Variants in F8 observed in about 807,000 individuals in gnomAD.
The protein encoded by F8 is antihemophilic factor.
In F8, 12 loss-of-function variants were observed where a neutral mutation model predicts 140.6. The observed-to-expected ratio is 0.09, with a 90% CI of 0.05 to 0.14. F8 has a LOEUF of 0.14. Among genes scored for constraint, F8 ranks in the 10% least tolerant of loss-of-function variants. The pLI is 1.00. For synonymous variants in F8, 585 were observed against 614.6 expected, an observed-to-expected ratio of 0.95 and a Z score of 0.71; for missense variants, 1,354 against 1,720.7, an observed-to-expected ratio of 0.79 and a Z score of 3.77.
At chrX:154,975,408 T>G (rs187667990) in intron 6 of F8, among the ~76,000 whole-genome samples, 1 of 112,412 alleles carries the variant, frequency 8.9e-6, no homozygotes, top group Non-Finnish European at 1.9e-5. Context: ...TGATTTATAG[T>G]TTTATTCCAT....
intron 25 of F8, among the ~76,000 whole-genome samples, chrX:154,852,260 C>T (rs932768157): frequency 2.7e-5 from 3 of 110,333 alleles, no homozygotes; most frequent in African/African-American, 9.9e-5. Context: ...TTTGTAGATA[C>T]AGAGTCTCAC....
At chrX:154,944,523 G>C (rs1266988252) in intron 13 of F8, among the ~76,000 whole-genome samples, 19 of 111,236 alleles carry the variant, frequency 1.7e-4, no homozygotes, top group Non-Finnish European at 3.2e-4. Flanking sequence ...GGAAACAACA[G>C]GTGCTGGAGA....
chrX:154,996,190 C>G (rs782639874), intron 3 of F8, among the ~76,000 whole-genome samples: 2 of 111,807 alleles, frequency 1.8e-5, no homozygotes, highest in Non-Finnish European at 3.8e-5. Flanking sequence ...CCGAGACCCT[C>G]CAGATTTGCC....
chrX:154,990,020 T>C (rs1251102241), intron 4 of F8, among the ~76,000 whole-genome samples: 1 of 112,471 alleles, frequency 8.9e-6, no homozygotes, highest in Non-Finnish European at 1.9e-5. Flanking sequence ...CATATTCATG[T>C]TTGCATCATA....
At chrX:154,869,756 G>T (rs974065930) in intron 22 of F8, among the ~76,000 whole-genome samples, 1 of 111,545 alleles carries the variant, frequency 9.0e-6, no homozygotes, top group Non-Finnish European at 1.9e-5. Context: ...GAATCCAGGA[G>T]CTGGTTTTTT....
chrX:154,920,488 G>A (rs782752872), intron 14 of F8, among the ~76,000 whole-genome samples: 1 of 110,592 alleles, frequency 9.0e-6, no homozygotes, highest in Non-Finnish European at 1.9e-5. Context: ...GTCTTGCTCT[G>A]TTGCCCAGGC....
chrX:154,917,685 GT>G (rs1423568647), intron 14 of F8, among the ~76,000 whole-genome samples: 2 of 111,036 alleles, frequency 1.8e-5, no homozygotes, highest in Non-Finnish European at 3.8e-5. Flanking sequence ...CTCATTGATT[GT>G]TCGTTTTGCT....
At chrX:154,976,377 TA>T (rs1241619617) in intron 6 of F8, among the ~76,000 whole-genome samples, 2 of 110,934 alleles carry the variant, frequency 1.8e-5, no homozygotes, top group Admixed American at 9.6e-5. Context: ...GATCTTTTTT[TA>T]AAAAAAAATT....
At chrX:154,846,365 C>T (rs2148559798) in intron 25 of F8, among the ~76,000 whole-genome samples, 1 of 111,501 alleles carries the variant, frequency 9.0e-6, no homozygotes, top group South Asian at 3.8e-4. Flanking sequence ...GTTGAACTGT[C>T]TAATGTTGAC....
At chrX:154,844,444 G>T (rs782116351) in intron 25 of F8, among the ~76,000 whole-genome samples, 1 of 111,606 alleles carries the variant, frequency 9.0e-6, no homozygotes, top group South Asian at 3.7e-4. Flanking sequence ...TCTTCCATTT[G>T]TTTGTATCCC....
In F8 at chrX:154,860,585, C is replaced by T. The variant is rs1227309343; in HGVS notation, c.6747G>A (p.Leu2249=). Residue 2249 remains leucine, a synonymous_variant, in exon 25 of 26, where the codon CTG becomes CTA. Transcript: ENST00000360256. ...RPQVNNPKEW[L]QVDFQKTMKV... Reference sequence around the variant, plus strand: ...TCATTGTCTTCTGGAAGTCCACTTGCAGCCACTCTTTTGGATTATTCACCT... The same window carrying T: ...TCATTGTCTTCTGGAAGTCCACTTGTAGCCACTCTTTTGGATTATTCACCT... 1 of 1,210,023 alleles carries T rather than the reference C, an allele frequency of 8.3e-7. No homozygotes were observed. The highest frequency in any genetic ancestry group is 1.1e-6 in the Non-Finnish European group (1 of 895,177).
chrX:154,996,650 T>C (rs2073618732), intron 3 of F8, among the ~76,000 whole-genome samples: 1 of 111,105 alleles, frequency 9.0e-6, no homozygotes, highest in Non-Finnish European at 1.9e-5. Context: ...CTGTTTGAAG[T>C]ATATTCAGAA....
chrX:154,999,436 G>A (rs782303048), intron 2 of F8, 43 bp downstream of exon 2: 4 of 1,180,337 alleles, frequency 3.4e-6, no homozygotes, highest in Non-Finnish European at 4.6e-6. Context: ...TAGAAAATAA[G>A]ATACCCAATT....
chrX:155,005,451 G>C (rs1557286000), intron 1 of F8, among the ~76,000 whole-genome samples: 1 of 109,896 alleles, frequency 9.1e-6, no homozygotes, highest in African/African-American at 3.3e-5. Flanking sequence ...GAGGGTGGTG[G>C]GGGGAGGGAT....
At chrX:155,021,897 T>C (rs2073762072) in intron 1 of F8, among the ~76,000 whole-genome samples, 1 of 112,034 alleles carries the variant, frequency 8.9e-6, no homozygotes, top group Non-Finnish European at 1.9e-5. Flanking sequence ...TATTTAATAC[T>C]CTGCCTAAAT....
At position 154,928,693 on chromosome X, in the gene F8, A is replaced by G. The variant is rs1308286093; in HGVS notation, c.5097T>C (p.Tyr1699=). 3.3e-6 allele frequency: 4 copies of G among 1,207,922 alleles called. No homozygotes were observed. The African/African-American group carries it at 5.3e-5, about 16-fold the overall frequency. The change falls in exon 14 of 26, where the codon TAT becomes TAC. Residue 1699 remains tyrosine, a synonymous_variant. Transcript: ENST00000360256. The stretch of plus-strand genomic sequence containing the variant: ...GGGGGCTCTGATTTTCATCCTCATC[A>G]TAAATGTCAAAATCTTCCTTCTTCA... ...VEMKKEDFDI[Y]DEDENQSPRS...
Position 154,861,743 on chromosome X carries a change from C to G in F8, c.6698G>C (p.Gly2233Ala). The stretch of plus-strand genomic sequence containing the variant: ...CTGAGGTCTCCAGGCATTACTCCTC[C>G]CTTGGAGGTGAAGTCGAGCTTTTGA... ...SPSKARLHLQ[G>A]RSNAWRPQVN... The change falls in exon 24 of 26, where the codon GGG (glycine) becomes GCG (alanine). Residue 2233 changes from glycine (G) to alanine (A), a missense_variant. Physicochemically the swap from Gly to Ala is moderately conservative, Grantham distance 60. Around this residue, in one of 4 missense-constraint regions of F8, gnomAD observed 316 missense variants for 485.4 expected, o/e 0.65. Coordinates refer to ENST00000360256, the MANE Select transcript of F8 (RefSeq NM_000132.4). The G allele has an allele frequency of 8.3e-7, 1 of 1,211,957 alleles. No homozygotes were observed. The highest frequency in any genetic ancestry group is 1.8e-5 in the South Asian group (1 of 56,981).
chrX:154,910,611 G>C (rs782376172), intron 14 of F8, among the ~76,000 whole-genome samples: 1 of 112,147 alleles, frequency 8.9e-6, no homozygotes, highest in Non-Finnish European at 1.9e-5. Context: ...CAAGTACCCA[G>C]GGACACAATA....
chrX:154,848,884 T>C (rs1192866745), intron 25 of F8, among the ~76,000 whole-genome samples: 3 of 111,835 alleles, frequency 2.7e-5, no homozygotes, highest in African/African-American at 9.8e-5. Context: ...TCATTCATGC[T>C]GGGAGCTGTA....
Sources: allele counts gnomAD v4.1 joint callset (sites outside exome capture counted in the v4.1 genomes callset), GRCh38; gene constraint gnomAD v4.1.1; regional missense constraint gnomAD v4.1.1; transcripts MANE v1.5; gene names NCBI Gene and HGNC (gene_info 2026-07-23, HGNC 2026-07-21).